The following VWF variants were observed in gnomAD, a reference collection of about 807,000 sequenced individuals.
VWF encodes the protein von Willebrand factor, also known as Factor VIII related antigen.
In VWF, 176 loss-of-function variants were observed where a neutral mutation model predicts 308.6. The observed-to-expected ratio is 0.57, with a 90% CI of 0.50 to 0.65. The LOEUF (loss-of-function observed/expected upper bound fraction) is 0.65, where lower values mean the gene tolerates loss of function less well. Among genes scored for constraint, VWF ranks in the 30% least tolerant of loss-of-function variants. VWF has a pLI of 0.00. For missense variants in VWF, 3,146 were observed against 3,648.2 expected (o/e 0.86, Z 3.55); for synonymous variants, 1,385 against 1,443.4 (o/e 0.96, Z 0.92).
At position 6,018,542 on chromosome 12, in the gene VWF, C is replaced by T. The variant is rs369291547; in HGVS notation, c.4876G>A (p.Val1626Met). 2.5e-6 allele frequency: 4 copies of T among 1,613,866 alleles called. No homozygotes were observed. The Admixed American group carries it at 5.0e-5, about 20-fold the overall frequency. Residue 1626 changes from valine (V) to methionine (M), a missense_variant, in exon 28 of 52, where the codon GTG becomes ATG. By Grantham distance (21) the Val-to-Met change is conservative. Around this residue, in one of 3 missense-constraint regions of VWF, gnomAD observed 853 missense variants for 1,177.8 expected, o/e 0.72. Transcript: ENST00000261405. ...IKRLPGDIQV[V>M]PIGVGPNANV... ...GCATTAGGGCCCACTCCAATGGGCA[C>T]CACCTGGATGTCTCCAGGCAGCCTC...
chr12:5,996,357 T>C (rs1486594892), intron 34 of VWF, 135 bp from the exon 35 acceptor site: 2 of 795,116 alleles, frequency 2.5e-6, no homozygotes, highest in East Asian at 2.7e-5. Context: ...TGAGGTCATA[T>C]AGAACAATTT....
chr12:6,049,162 G>A (rs904898526), intron 16 of VWF, among the ~76,000 whole-genome samples: 1 of 152,132 alleles, frequency 6.6e-6, no homozygotes, highest in Non-Finnish European at 1.5e-5. Context: ...CTGCTCCAGC[G>A]AGGCTCATTC....
intron 50 of VWF, 135 bp from the exon 51 acceptor site, chr12:5,950,018 A>G: frequency 1.3e-6 from 1 of 760,328 alleles, no homozygotes; most frequent in Non-Finnish European, 2.3e-6. Flanking sequence ...CAGGGAGGGA[A>G]TTCAGTTATC....
At chr12:6,003,792 A>T (rs1943897754) in intron 34 of VWF, among the ~76,000 whole-genome samples, 1 of 150,772 alleles carries the variant, frequency 6.6e-6, no homozygotes, top group African/African-American at 2.4e-5. Context: ...GTTGCACAAC[A>T]ATGTGGATTT....
At chr12:6,106,637 G>T (rs1945247223) in intron 5 of VWF, among the ~76,000 whole-genome samples, 1 of 152,136 alleles carries the variant, frequency 6.6e-6, no homozygotes, top group Non-Finnish European at 1.5e-5. Flanking sequence ...ACTTTGGGAG[G>T]CTAAGCGGAG....
At chr12:6,033,320 AC>A (rs1465623232) in intron 20 of VWF, among the ~76,000 whole-genome samples, 3 of 152,168 alleles carry the variant, frequency 2.0e-5, no homozygotes, top group Non-Finnish European at 4.4e-5. Flanking sequence ...AGACAACAGA[AC>A]CAGCTGTAGG....
At chr12:6,079,180 G>C (rs1041188051) in intron 6 of VWF, among the ~76,000 whole-genome samples, 4 of 152,310 alleles carry the variant, frequency 2.6e-5, no homozygotes, top group African/African-American at 9.6e-5. Flanking sequence ...GGCAGGACTT[G>C]CAGCTGGATC....
rs755254180 is a variant in VWF at position 6,025,990 on chromosome 12, G to A, written c.3024C>T (p.Thr1008=). The change falls in exon 23 of 52, where the codon ACC becomes ACT. Residue 1008 remains threonine, a synonymous_variant. Transcript: ENST00000261405. ...CTTCCTCCACTTGGAGGTTGCTGCT[G>A]GTGAGGTCATTGTTCTGGATGCCAT... is the stretch of plus-strand genomic sequence containing the variant. ...NFDGIQNNDL[T]SSNLQVEEDP... The A allele has an allele frequency of 8.7e-6, 14 of 1,613,828 alleles. No homozygotes were observed. The African/African-American group carries it at 1.6e-4, about 18-fold the overall frequency.
At chr12:6,113,359 G>A (rs1018536498) in intron 3 of VWF, among the ~76,000 whole-genome samples, 1 of 150,480 alleles carries the variant, frequency 6.6e-6, no homozygotes, top group South Asian at 2.1e-4. Context: ...GTGCAGTGGC[G>A]CGATCTCGGC....
Position 6,003,814 on chromosome 12 carries a change from C to CTTTT in VWF, c.5843-7596_5843-7593dup, listed in dbSNP as rs34433330. Among the ~76,000 whole-genome samples, 453 of 122,726 alleles carry CTTTT rather than the reference C, an allele frequency of 3.7e-3. 9 individuals are homozygous for CTTTT. Among genetic ancestry groups the CTTTT allele is most frequent in the African/African-American group, 5.7e-3 (184 of 32,156 alleles). The allele number at this position is 122,726 out of a possible 152,430, so 80.5% of individuals were successfully genotyped here. The stretch of plus-strand genomic sequence containing the variant: ...AACAATGTGGATTTTCTTTCTCTCT[C>CTTTT]TTTTTTTTTTTTTTTTTTTGAGACG... On this transcript the variant is annotated intron_variant, in intron 34 of 51. Coordinates refer to ENST00000261405, the MANE Select transcript of VWF (RefSeq NM_000552.5).
At chr12:6,078,169 A>G (rs60916697) in intron 6 of VWF, among the ~76,000 whole-genome samples, 1,761 of 152,162 alleles carry the variant, frequency 0.012, 29 homozygotes, top group African/African-American at 0.04. Context: ...TTTTCCCCTT[A>G]TCTCCATCAC....
chr12:6,118,549 G>A (rs1192015830), intron 3 of VWF, among the ~76,000 whole-genome samples: 1 of 151,830 alleles, frequency 6.6e-6, no homozygotes, highest in East Asian at 1.9e-4. Flanking sequence ...ACAACGCCTG[G>A]CTAATTTTTG....
Position 6,071,328 on chromosome 12 carries a change from G to T in VWF, c.1125C>A (p.Ser375Arg). Residue 375 changes from serine (S) to arginine (R), a missense_variant, in exon 10 of 52, where the codon AGC (serine) becomes AGA (arginine). By Grantham distance (110) the Ser-to-Arg change is moderately radical (BLOSUM62 -1). Around this residue, in one of 3 missense-constraint regions of VWF, gnomAD observed 1,304 missense variants for 1,353.0 expected, o/e 0.96. Transcript: ENST00000261405. ...ATTCTTCATTGCTGCAGATCCACTG[G>T]CTGTTTCGGCAAATGCTGTTGGAGG... ...RDCNTCICRN[S>R]QWICSNEECP... is the part of the protein sequence containing the mutation. 1.2e-6 allele frequency: 2 copies of T among 1,614,166 alleles called. No homozygotes were observed. The highest frequency in any genetic ancestry group is 2.7e-5 in the African/African-American group (2 of 75,068).
intron 20 of VWF, among the ~76,000 whole-genome samples, chr12:6,031,814 G>A (rs995449813): frequency 6.6e-6 from 1 of 151,868 alleles, no homozygotes; most frequent in African/African-American, 2.4e-5. Flanking sequence ...TGCAGTGAGT[G>A]GGGTGGGGGT....
intron 47 of VWF, among the ~76,000 whole-genome samples, chr12:5,962,729 T>G (rs1451125381): frequency 6.6e-6 from 1 of 152,076 alleles, no homozygotes; most frequent in Non-Finnish European, 1.5e-5. Context: ...TTTTGTATTT[T>G]TAGTAGAGAA....
chr12:6,108,334 T>TATACACACACACACACACACACACAC (rs374693235), intron 5 of VWF, among the ~76,000 whole-genome samples: 1 of 124,158 alleles, frequency 8.1e-6, no homozygotes, highest in Non-Finnish European at 1.7e-5. Context: ...AAGAAATATA[T>TATACACACACACACACACACACACAC]ACACACACAC....
At chr12:6,104,896 T>C (rs1380512230) in intron 5 of VWF, among the ~76,000 whole-genome samples, 3 of 152,182 alleles carry the variant, frequency 2.0e-5, no homozygotes, top group East Asian at 1.9e-4. Flanking sequence ...GTGGTACATA[T>C]ACACAATGGA....
chr12:5,958,190 T>A (rs1184490707), intron 47 of VWF, among the ~76,000 whole-genome samples: 3 of 151,982 alleles, frequency 2.0e-5, no homozygotes, highest in Non-Finnish European at 2.9e-5. Flanking sequence ...AGACAGCAGA[T>A]AAAATGAATA....
chr12:6,046,649 C>T lies in VWF; in HGVS notation c.2281+74G>A. The T allele has an allele frequency of 1.4e-6, 2 of 1,435,802 alleles. No homozygotes were observed. Among genetic ancestry groups the T allele is most frequent in the East Asian group, 4.5e-5 (2 of 44,020 alleles). 88.9% of individuals were successfully genotyped at this position (1,435,802 alleles called of 1,614,324 possible). A position where few individuals can be genotyped will look rare whatever the true frequency, so the allele number is the denominator to read the frequency against. On this transcript the variant is annotated intron_variant, in intron 17 of 51. Coordinates refer to ENST00000261405, the MANE Select transcript of VWF (RefSeq NM_000552.5). The surrounding 1 kb of genome is among the most constrained non-coding windows in gnomAD (Gnocchi z 5.0). ...GCACATCTGACGGTGTCACCCAGCT[C>T]TCTCCCGCCATTCCACACGTGAGGA...
Sources: allele counts gnomAD v4.1 joint callset (sites outside exome capture counted in the v4.1 genomes callset), GRCh38; gene constraint gnomAD v4.1.1; regional missense constraint gnomAD v4.1.1; non-coding constraint Gnocchi (gnomAD v3.1); transcripts MANE v1.5; gene names NCBI Gene and HGNC (gene_info 2026-07-23, HGNC 2026-07-21).